Variants in DNAAF4 observed in about 807,000 individuals in gnomAD.
The protein encoded by DNAAF4 is dynein assembly factor 4, axonemal.
A neutral mutation model predicts 51.8 loss-of-function variants in DNAAF4; 43 were observed. The ratio of observed to expected loss-of-function variants is 0.83; its 90% CI spans 0.65 to 1.07. The LOEUF is 1.07. DNAAF4 is among the 50% of genes least tolerant of loss of function. The pLI is 0.00. For synonymous variants in DNAAF4, 194 were observed against 165.6 expected (o/e 1.17, Z -1.32); for missense variants, 581 against 493.0 (o/e 1.18, Z -1.69).
chr15:55,460,982 C>G (rs1193215023), intron 5 of DNAAF4, among the ~76,000 whole-genome samples: 1 of 152,076 alleles, frequency 6.6e-6, no homozygotes, highest in Non-Finnish European at 1.5e-5. Context: ...CCAGGCTGGT[C>G]TCAAACTCCT....
chr15:55,464,133 G>A (rs940721053), intron 5 of DNAAF4, among the ~76,000 whole-genome samples: 6 of 152,188 alleles, frequency 3.9e-5, no homozygotes, highest in African/African-American at 1.2e-4. Flanking sequence ...GAACAGAATA[G>A]AGAACCCAGA....
At chr15:55,479,977 C>A (rs1311900123) in intron 4 of DNAAF4, among the ~76,000 whole-genome samples, 1 of 152,048 alleles carries the variant, frequency 6.6e-6, no homozygotes, top group Non-Finnish European at 1.5e-5. Context: ...CTGCTTTTGC[C>A]CTTTGCCTTG....
Position 55,497,658 on chromosome 15 carries a change from G to A in DNAAF4, c.271+54C>T, listed in dbSNP as rs926183050. Reference sequence around the variant, plus strand: ...TGCTTCAAAATAAAATTTTTTAAAAGGTCTGAAACCGAAAAGGTACAACCA... The same window carrying A: ...TGCTTCAAAATAAAATTTTTTAAAAAGTCTGAAACCGAAAAGGTACAACCA... On this transcript the variant is annotated intron_variant, in intron 3 of 9. Transcript: ENST00000321149. The A allele has an allele frequency of 2.6e-6, 4 of 1,538,056 alleles. No individual in the cohort carries two copies. The African/African-American group carries it at 5.6e-5, about 21-fold the overall frequency.
chr15:55,457,365 G>A (rs1211123740), intron 5 of DNAAF4, among the ~76,000 whole-genome samples: 1 of 151,998 alleles, frequency 6.6e-6, no homozygotes, highest in Non-Finnish European at 1.5e-5. Flanking sequence ...ATTGGCCTGA[G>A]AATCCCCTCC....
At chr15:55,434,222 G>T (rs561207223) in intron 8 of DNAAF4, among the ~76,000 whole-genome samples, 1 of 148,716 alleles carries the variant, frequency 6.7e-6, no homozygotes, top group Non-Finnish European at 1.5e-5. Context: ...AGCATTTGTG[G>T]GCTTTTGTAT....
intron 4 of DNAAF4, among the ~76,000 whole-genome samples, chr15:55,484,129 A>C (rs2058452662): frequency 6.6e-6 from 1 of 152,000 alleles, no homozygotes; most frequent in South Asian, 2.1e-4. Flanking sequence ...ATCCTTGCAC[A>C]CTGTGATGAA....
At chr15:55,430,927 T>A (rs1422912935) in intron 9 of DNAAF4, 148 bp from the exon 10 acceptor site, 1 of 605,436 alleles carries the variant, frequency 1.7e-6, no homozygotes, top group East Asian at 3.5e-5. Flanking sequence ...CCATCTTTTT[T>A]TTTTGAGACA....
chr15:55,483,610 G>A (rs1217385913), intron 4 of DNAAF4, among the ~76,000 whole-genome samples: 1 of 151,716 alleles, frequency 6.6e-6, no homozygotes, highest in Non-Finnish European at 1.5e-5. Context: ...GCACAATCTT[G>A]GCCCACTGCA....
chr15:55,481,693 A>G (rs557499809), intron 4 of DNAAF4, among the ~76,000 whole-genome samples: 45 of 152,116 alleles, frequency 3.0e-4, no homozygotes, highest in Non-Finnish European at 5.6e-4. Flanking sequence ...TGCCTCCCAT[A>G]AAGATTTATT....
At chr15:55,419,413 G>A (rs544573550) in intron 7 of DNAAF4, among the ~76,000 whole-genome samples, 1 of 151,796 alleles carries the variant, frequency 6.6e-6, no homozygotes, top group African/African-American at 2.4e-5. Flanking sequence ...GTGTGTGTGT[G>A]TGTGTGTGTA....
At chr15:55,427,949 T>G (rs2057447300), downstream of DNAAF4, among the ~76,000 whole-genome samples, 1 of 151,652 alleles carries the variant, frequency 6.6e-6, no homozygotes, top group Admixed American at 6.6e-5. Flanking sequence ...GCAGTATGAC[T>G]TCTAAACCGT....
chr15:55,457,445 C>A (rs1040853004), intron 5 of DNAAF4, among the ~76,000 whole-genome samples: 6 of 152,134 alleles, frequency 3.9e-5, no homozygotes, highest in South Asian at 4.1e-4. Flanking sequence ...ACCTTGCCCC[C>A]ACCTGATGGG....
intron 8 of DNAAF4, among the ~76,000 whole-genome samples, chr15:55,434,473 A>G (rs1415460180): frequency 2.0e-5 from 3 of 152,150 alleles, no homozygotes; most frequent in Non-Finnish European, 2.9e-5. Flanking sequence ...CATACACAGT[A>G]AATATTAGTA....
intron 9 of DNAAF4, among the ~76,000 whole-genome samples, chr15:55,431,691 G>C (rs906434274): frequency 6.6e-6 from 1 of 151,876 alleles, no homozygotes; most frequent in African/African-American, 2.4e-5. Flanking sequence ...TGTTAGCCCG[G>C]ATGGTCTTGA....
intron 7 of DNAAF4, among the ~76,000 whole-genome samples, chr15:55,422,570 C>T (rs1057063960): frequency 1.4e-4 from 21 of 152,170 alleles, no homozygotes; most frequent in African/African-American, 5.1e-4. Flanking sequence ...GACTGTGAGG[C>T]CTGGAAGCCC....
intron 6 of DNAAF4, chr15:55,443,423 A>G: frequency 1.7e-6 from 1 of 599,888 alleles, no homozygotes; most frequent in Admixed American, 3.0e-5. Context: ...CATTACTGCC[A>G]CATTTTCTTA....
At chr15:55,443,450 A>G (rs890178795) in intron 6 of DNAAF4, 3 of 583,778 alleles carry the variant, frequency 5.1e-6, no homozygotes, top group East Asian at 5.7e-5. Context: ...TCTATCATTG[A>G]TGGACATTTG....
chr15:55,424,851 G>A (rs1595884703), intron 7 of DNAAF4, among the ~76,000 whole-genome samples: 1 of 147,234 alleles, frequency 6.8e-6, no homozygotes, highest in African/African-American at 2.5e-5. Context: ...GTGAGACCCC[G>A]TGCCCGGCTG....
At chr15:55,490,940 T>C in intron 4 of DNAAF4, 183 bp downstream of exon 4, 1 of 584,556 alleles carries the variant, frequency 1.7e-6, no homozygotes, top group Middle Eastern at 4.8e-4. Flanking sequence ...GGCGACAGAG[T>C]GAGACTCGGT....
Sources: allele counts gnomAD v4.1 joint callset (sites outside exome capture counted in the v4.1 genomes callset), GRCh38; gene constraint gnomAD v4.1.1; transcripts MANE v1.5; gene names NCBI Gene and HGNC (gene_info 2026-07-23, HGNC 2026-07-21).